KIF16B: variants seen among roughly 807,000 people sequenced by gnomAD.
KIF16B encodes the protein kinesin family member 16B.
KIF16B carries 98 observed loss-of-function variants against 156.3 expected under a neutral mutation model. The ratio of observed to expected loss-of-function variants is 0.63; its 90% confidence interval spans 0.53 to 0.74. The LOEUF is 0.74. Among genes scored for constraint, KIF16B ranks in the 30% least tolerant of loss-of-function variants. The pLI is 0.00. For synonymous variants in KIF16B, 564 were observed against 583.7 expected (o/e 0.97, Z 0.49); for missense variants, 1,421 against 1,606.5 (o/e 0.88, Z 1.97).
intron 24 of KIF16B, among the ~76,000 whole-genome samples, chr20:16,326,224 T>C (rs758035834): frequency 5.3e-5 from 8 of 151,934 alleles, no homozygotes; most frequent in Middle Eastern, 3.4e-3. Flanking sequence ...AGAACTCTTC[T>C]GGACATTGGT....
intron 7 of KIF16B, among the ~76,000 whole-genome samples, chr20:16,507,529 T>C (rs1470175572): frequency 6.6e-6 from 1 of 152,172 alleles, no homozygotes; most frequent in Non-Finnish European, 1.5e-5. Flanking sequence ...CGCTGCCCTT[T>C]AATATCATTC....
At chr20:16,468,993 CT>C (rs2067577833) in intron 12 of KIF16B, among the ~76,000 whole-genome samples, 1 of 152,090 alleles carries the variant, frequency 6.6e-6, no homozygotes, top group Non-Finnish European at 1.5e-5. Context: ...TGGTTCATAC[CT>C]ATAATCCCAG....
At chr20:16,347,302 G>A (rs1208980414) in intron 23 of KIF16B, among the ~76,000 whole-genome samples, 2 of 152,182 alleles carry the variant, frequency 1.3e-5, no homozygotes, top group African/African-American at 2.4e-5. Flanking sequence ...ATTCTAGGAA[G>A]AGATGCAAAA....
intron 22 of KIF16B, chr20:16,369,183 C>T: frequency 1.0e-6 from 1 of 985,866 alleles, no homozygotes; most frequent in Non-Finnish European, 1.2e-6. Flanking sequence ...CCTCCCTCCT[C>T]TCCTCTTTAA....
intron 17 of KIF16B, among the ~76,000 whole-genome samples, chr20:16,393,969 C>T (rs908005131): frequency 6.6e-6 from 1 of 152,204 alleles, no homozygotes; most frequent in Non-Finnish European, 1.5e-5. Context: ...GAATTAGCAA[C>T]ATGTTCTAAT....
intron 15 of KIF16B, among the ~76,000 whole-genome samples, chr20:16,419,375 C>T (rs1196974316): frequency 6.6e-6 from 1 of 152,136 alleles, no homozygotes; most frequent in Non-Finnish European, 1.5e-5. Flanking sequence ...CTTGGCTAAA[C>T]CACTGGGAGA....
At position 16,404,914 on chromosome 20, in the gene KIF16B, A is replaced by G. The variant is rs1600304981; in HGVS notation, c.1696-13T>C. 1 of 1,604,310 alleles carries G rather than the reference A, an allele frequency of 6.2e-7. No individual in the cohort carries two copies. The highest frequency in any genetic ancestry group is 1.1e-5 in the South Asian group (1 of 90,658). ...ACAGAAGGCCACTCTAAGGGCAGAC[A>G]CAGGGCAGAGTGGTTACCTTAGCAG... is the stretch of plus-strand genomic sequence containing the variant. On this transcript the variant is annotated splice_polypyrimidine_tract_variant and intron_variant, in intron 16 of 25. Coordinates refer to ENST00000354981, the MANE Select transcript of KIF16B (RefSeq NM_024704.5).
chr20:16,493,210 A>C (rs1412245977), intron 12 of KIF16B, among the ~76,000 whole-genome samples: 1 of 152,198 alleles, frequency 6.6e-6, no homozygotes, highest in East Asian at 1.9e-4. Context: ...ACAACCTACC[A>C]CCATCTAAAC....
intron 5 of KIF16B, 123 bp downstream of exon 5, chr20:16,512,703 G>T: frequency 1.6e-6 from 1 of 612,772 alleles, no homozygotes; most frequent in South Asian, 2.3e-5. Context: ...CACAGGAGGG[G>T]AAAAGGGAAG....
At chr20:16,421,089 C>G (rs948942468) in intron 15 of KIF16B, among the ~76,000 whole-genome samples, 6 of 152,078 alleles carry the variant, frequency 3.9e-5, no homozygotes, top group Admixed American at 3.9e-4. Context: ...AAGCATATAG[C>G]TACCTAAGAC....
chr20:16,311,914 T>C (rs1006476773), intron 25 of KIF16B, among the ~76,000 whole-genome samples: 1 of 151,900 alleles, frequency 6.6e-6, no homozygotes, highest in Non-Finnish European at 1.5e-5. Context: ...ATGACTAAAA[T>C]AGGTATGTGT....
chr20:16,463,260 T>C (rs1290293843), intron 12 of KIF16B, among the ~76,000 whole-genome samples: 1 of 152,270 alleles, frequency 6.6e-6, no homozygotes, highest in Non-Finnish European at 1.5e-5. Context: ...TTGATTTCCT[T>C]GATGTGAGAC....
At chr20:16,299,243 T>A (rs1374874622) in intron 25 of KIF16B, among the ~76,000 whole-genome samples, 1 of 152,200 alleles carries the variant, frequency 6.6e-6, no homozygotes, top group East Asian at 1.9e-4. Context: ...TGTATGTGTG[T>A]GTGCATATAA....
At chr20:16,273,503 C>T in intron 25 of KIF16B, 92 bp from the exon 26 acceptor site, 3 of 986,966 alleles carry the variant, frequency 3.0e-6, no homozygotes, top group Non-Finnish European at 4.7e-6. Context: ...CCAGTCCAGG[C>T]AACATGGAGA....
At chr20:16,454,193 T>C (rs1361616231) in intron 12 of KIF16B, among the ~76,000 whole-genome samples, 1 of 152,176 alleles carries the variant, frequency 6.6e-6, no homozygotes, top group African/African-American at 2.4e-5. Flanking sequence ...GTTTCTTTTT[T>C]GTAGCAAGTG....
intron 12 of KIF16B, among the ~76,000 whole-genome samples, chr20:16,454,588 AGT>A (rs2067167357): frequency 1.3e-5 from 2 of 152,072 alleles, no homozygotes; most frequent in Admixed American, 1.3e-4. Flanking sequence ...AAACAGCATC[AGT>A]AACATTGTAA....
At chr20:16,376,984 T>G (rs1378134366) in intron 19 of KIF16B, among the ~76,000 whole-genome samples, 2 of 152,242 alleles carry the variant, frequency 1.3e-5, no homozygotes, top group Non-Finnish European at 2.9e-5. Flanking sequence ...CTGAGGGAAC[T>G]ACCAGACAGC....
At chr20:16,289,624 C>T (rs762117891) in intron 25 of KIF16B, among the ~76,000 whole-genome samples, 13 of 152,124 alleles carry the variant, frequency 8.5e-5, no homozygotes, top group Non-Finnish European at 1.8e-4. Context: ...TAGGCCGAGG[C>T]GGACGGATCA....
intron 25 of KIF16B, among the ~76,000 whole-genome samples, chr20:16,275,812 T>C (rs1269767082): frequency 6.6e-6 from 1 of 152,184 alleles, no homozygotes; most frequent in African/African-American, 2.4e-5. Context: ...GAAGGGACCC[T>C]GAGAATATCA....
Sources: allele counts gnomAD v4.1 joint callset (sites outside exome capture counted in the v4.1 genomes callset), GRCh38; gene constraint gnomAD v4.1.1; transcripts MANE v1.5; gene names NCBI Gene and HGNC (gene_info 2026-07-23, HGNC 2026-07-21).